AKAP6: variants seen among roughly 807,000 people sequenced by gnomAD.
AKAP6 encodes the protein A-kinase anchoring protein 6.
Under a neutral mutation model 188.5 loss-of-function variants are expected in AKAP6, and 58 were observed. The observed-to-expected ratio is 0.31, with a 90% confidence interval of 0.25 to 0.38. The LOEUF (loss-of-function observed/expected upper bound fraction) is 0.38. Ranked by LOEUF, AKAP6 falls within the 10% of genes least tolerant of loss-of-function variation. The pLI, the probability that AKAP6 is intolerant of heterozygous loss-of-function variation, is 1.00. For missense variants in AKAP6, 2,710 were observed against 2,740.0 expected (o/e 0.99, Z 0.24); for synonymous variants, 989 against 998.6 (o/e 0.99, Z 0.18).
chr14:32,502,630 T>G (rs535032675), intron 2 of AKAP6, among the ~76,000 whole-genome samples: 1 of 152,288 alleles, frequency 6.6e-6, no homozygotes, highest in South Asian at 2.1e-4. Flanking sequence ...TTCTTGCATA[T>G]TCTTCTAGAA....
At chr14:32,584,099 G>C (rs1051499368) in intron 5 of AKAP6, among the ~76,000 whole-genome samples, 4 of 152,230 alleles carry the variant, frequency 2.6e-5, no homozygotes, top group East Asian at 1.9e-4. Context: ...GACCGGAGCT[G>C]TTCCTATTTG....
At chr14:32,621,159 C>A (rs1886801930) in intron 7 of AKAP6, among the ~76,000 whole-genome samples, 1 of 151,500 alleles carries the variant, frequency 6.6e-6, no homozygotes, top group Admixed American at 6.6e-5. Context: ...TGTGTTTTTT[C>A]TTGTTTTAAT....
intron 1 of AKAP6, among the ~76,000 whole-genome samples, chr14:32,389,926 T>C (rs530128377): frequency 5.3e-5 from 8 of 152,248 alleles, no homozygotes; most frequent in African/African-American, 1.9e-4. Context: ...CCTTGATTAT[T>C]CCCCCAGATA....
At chr14:32,746,732 A>G (rs1349383724) in intron 11 of AKAP6, among the ~76,000 whole-genome samples, 1 of 152,190 alleles carries the variant, frequency 6.6e-6, no homozygotes, top group African/African-American at 2.4e-5. Context: ...GATAGAGCCA[A>G]TAGTCACACC....
intron 12 of AKAP6, among the ~76,000 whole-genome samples, chr14:32,778,005 C>G (rs937280420): frequency 6.6e-6 from 1 of 152,042 alleles, no homozygotes; most frequent in African/African-American, 2.4e-5. Flanking sequence ...TGCCACTGCA[C>G]TCTAGCCTGG....
intron 2 of AKAP6, among the ~76,000 whole-genome samples, chr14:32,491,888 G>T (rs551790183): frequency 6.6e-6 from 1 of 152,054 alleles, no homozygotes; most frequent in African/African-American, 2.4e-5. Flanking sequence ...ACTAAATCCC[G>T]ATTTAACTAA....
At chr14:32,631,517 T>C (rs1034815917) in intron 7 of AKAP6, among the ~76,000 whole-genome samples, 1 of 152,104 alleles carries the variant, frequency 6.6e-6, no homozygotes, top group Non-Finnish European at 1.5e-5. Flanking sequence ...TGTGTAGTTG[T>C]ACAAAACCAG....
At chr14:32,644,611 T>A (rs376473790) in intron 7 of AKAP6, among the ~76,000 whole-genome samples, 18 of 152,294 alleles carry the variant, frequency 1.2e-4, no homozygotes, top group East Asian at 7.7e-4. Flanking sequence ...AAAGTCTGTA[T>A]AACAAGGCCG....
intron 9 of AKAP6, among the ~76,000 whole-genome samples, chr14:32,727,536 G>A (rs1242657097): frequency 2.6e-5 from 4 of 152,106 alleles, no homozygotes; most frequent in African/African-American, 9.7e-5. Flanking sequence ...TAAAGATAAT[G>A]CAATCTATGT....
intron 9 of AKAP6, among the ~76,000 whole-genome samples, chr14:32,708,669 A>T (rs986252972): frequency 2.6e-5 from 4 of 152,032 alleles, no homozygotes; most frequent in African/African-American, 9.7e-5. Context: ...GTGAACTTTA[A>T]TGATTTTAAA....
chr14:32,510,425 CAT>C (rs372831035), intron 2 of AKAP6, among the ~76,000 whole-genome samples: 3,225 of 51,540 alleles, frequency 0.063, 200 homozygotes, highest in African/African-American at 0.21. Context: ...TATATATATA[CAT>C]ATATATATGT....
At chr14:32,751,080 T>C (rs1006842248) in intron 11 of AKAP6, among the ~76,000 whole-genome samples, 1 of 152,166 alleles carries the variant, frequency 6.6e-6, no homozygotes, top group African/African-American at 2.4e-5. Flanking sequence ...ATAGTGGGAC[T>C]GGGTTGCTAA....
chr14:32,464,808 C>T (rs1057082249), intron 2 of AKAP6, among the ~76,000 whole-genome samples: 1 of 152,164 alleles, frequency 6.6e-6, no homozygotes, highest in African/African-American at 2.4e-5. Context: ...GTCAAATTGT[C>T]TCTATTTGCA....
At chr14:32,488,735 C>T (rs1879835905) in intron 2 of AKAP6, among the ~76,000 whole-genome samples, 1 of 152,176 alleles carries the variant, frequency 6.6e-6, no homozygotes, top group Admixed American at 6.5e-5. Flanking sequence ...GACCAGATAG[C>T]ACGGTCCTTC....
chr14:32,423,805 G>C (rs1354806899), intron 1 of AKAP6, among the ~76,000 whole-genome samples: 1 of 151,736 alleles, frequency 6.6e-6, no homozygotes, highest in Non-Finnish European at 1.5e-5. Flanking sequence ...AATAATTTTA[G>C]AACAAGAAAA....
intron 12 of AKAP6, chr14:32,774,104 A>G (rs1050202326): frequency 3.5e-6 from 2 of 575,926 alleles, no homozygotes; most frequent in Non-Finnish European, 6.2e-6. Flanking sequence ...TTGTCATAAC[A>G]CTGACATTTA....
At chr14:32,654,475 C>T (rs940114638) in intron 7 of AKAP6, among the ~76,000 whole-genome samples, 4 of 152,116 alleles carry the variant, frequency 2.6e-5, no homozygotes, top group African/African-American at 9.7e-5. Context: ...AAACAAAACA[C>T]ACAATTCTGT....
intron 5 of AKAP6, among the ~76,000 whole-genome samples, chr14:32,582,628 A>G (rs1439434356): frequency 6.6e-6 from 1 of 152,108 alleles, no homozygotes; most frequent in Admixed American, 6.5e-5. Flanking sequence ...AGGTACACCA[A>G]TCAGACGTAG....
chr14:32,780,838 G>T (rs909698083), intron 12 of AKAP6, among the ~76,000 whole-genome samples: 3 of 152,026 alleles, frequency 2.0e-5, no homozygotes, highest in Admixed American at 6.6e-5. Context: ...TTCAAAATAA[G>T]TAATAGCAAT....
Sources: gnomAD v4.1 joint callset for allele counts (sites outside exome capture counted in the v4.1 genomes callset) on GRCh38, gnomAD v4.1.1 for gene constraint, MANE v1.5 for transcripts, NCBI Gene and HGNC (gene_info 2026-07-23, HGNC 2026-07-21) for gene names.